Variants in CCDC7 observed in about 807,000 individuals in gnomAD.
CCDC7 encodes the protein coiled-coil domain containing 7, also known as coiled-coil domain-containing protein 7.
In CCDC7, 183 loss-of-function variants were observed where a neutral mutation model predicts 196.9. That is an observed-to-expected ratio of 0.93 (90% CI 0.82 to 1.05). The LOEUF is 1.05. Ranked by LOEUF, CCDC7 falls within the 50% of genes least tolerant of loss-of-function variation. The probability of loss-of-function intolerance (pLI) is 0.00; values close to 1 mark genes in which losing one functional copy is unlikely to be tolerated. For missense variants in CCDC7, 1,540 were observed against 1,482.2 expected (o/e 1.04, Z -0.64); for synonymous variants, 525 against 484.6 (o/e 1.08, Z -1.10).
chr10:32,799,419 T>C (rs1484174018), intron 29 of CCDC7, among the ~76,000 whole-genome samples: 1 of 152,164 alleles, frequency 6.6e-6, no homozygotes, highest in Admixed American at 6.5e-5. Context: ...CCTGGACTTA[T>C]TGCAGAGCCT....
intron 28 of CCDC7, among the ~76,000 whole-genome samples, chr10:32,756,184 C>T (rs890985632): frequency 6.6e-6 from 1 of 152,196 alleles, no homozygotes; most frequent in African/African-American, 2.4e-5. Flanking sequence ...AAACACTCTT[C>T]TGGATATTAT....
intron 18 of CCDC7, among the ~76,000 whole-genome samples, chr10:32,626,902 G>T (rs1340348329): frequency 6.6e-6 from 1 of 151,864 alleles, no homozygotes; most frequent in African/African-American, 2.4e-5. Context: ...GTGTTCCATT[G>T]GTTGGTGTGT....
chr10:32,667,019 A>G (rs1283197122), intron 21 of CCDC7, among the ~76,000 whole-genome samples: 1 of 152,114 alleles, frequency 6.6e-6, no homozygotes, highest in Admixed American at 6.5e-5. Flanking sequence ...CTATTTCTCC[A>G]CATCCTCTCC....
intron 31 of CCDC7, among the ~76,000 whole-genome samples, chr10:32,819,626 A>G (rs371790599): frequency 2.1e-4 from 32 of 152,300 alleles, no homozygotes; most frequent in Non-Finnish European, 4.3e-4. Flanking sequence ...CCATGATCAA[A>G]TGGGCTTCAT....
chr10:32,810,671 A>T (rs1177889218), intron 30 of CCDC7, among the ~76,000 whole-genome samples: 1 of 152,116 alleles, frequency 6.6e-6, no homozygotes, highest in Non-Finnish European at 1.5e-5. Flanking sequence ...AATGGCCCTA[A>T]CAGATAATTA....
intron 28 of CCDC7, among the ~76,000 whole-genome samples, chr10:32,738,297 G>A (rs1047384059): frequency 2.6e-5 from 4 of 151,822 alleles, no homozygotes; most frequent in African/African-American, 7.3e-5. Flanking sequence ...GATAATGCAG[G>A]TATTCTGATT....
intron 33 of CCDC7, among the ~76,000 whole-genome samples, chr10:32,837,467 A>T (rs1401487299): frequency 1.3e-5 from 2 of 152,192 alleles, no homozygotes; most frequent in Non-Finnish European, 2.9e-5. Context: ...ACACTTTTAC[A>T]CTGCTGGTGG....
At chr10:32,631,095 CAT>C (rs754353868) in intron 18 of CCDC7, among the ~76,000 whole-genome samples, 5 of 152,172 alleles carry the variant, frequency 3.3e-5, no homozygotes, top group African/African-American at 9.6e-5. Flanking sequence ...CTGAGGCAGA[CAT>C]GTGAGTGAAT....
chr10:32,567,881 A>G lies in CCDC7; in HGVS notation c.1409A>G (p.Glu470Gly). ...CAAAGGACAAGTGATAAAATCCAAG[A>G]ATATCCACAGGTGAGGAAATAACCA... The change falls in exon 15 of 42, where the codon GAA becomes GGA. Residue 470 changes from glutamate to glycine, a missense_variant. Glu to Gly is a moderately conservative substitution (Grantham distance 98, BLOSUM62 -2). Transcript: ENST00000639629. 5 of 1,612,954 alleles carry G rather than the reference A, an allele frequency of 3.1e-6. 1 individual carries two copies. The highest frequency in any genetic ancestry group is 1.1e-5 in the South Asian group (1 of 90,870).
chr10:32,484,710 G>A (rs189100153), intron 8 of CCDC7, among the ~76,000 whole-genome samples: 20 of 152,228 alleles, frequency 1.3e-4, no homozygotes, highest in South Asian at 4.1e-4. Flanking sequence ...AGCATGAAGC[G>A]CTGTTGAATT....
At chr10:32,822,699 A>T (rs2090462670) in intron 31 of CCDC7, among the ~76,000 whole-genome samples, 1 of 152,224 alleles carries the variant, frequency 6.6e-6, no homozygotes, top group South Asian at 2.1e-4. Flanking sequence ...GAAAAAGATT[A>T]TAAAGTTGAC....
rs188219619 is a variant in CCDC7, at chr10:32,818,895, T to C, written c.3181+4442T>C. 1.8e-3 allele frequency among the ~76,000 whole-genome samples: 271 copies of C among 152,004 alleles called. 2 individuals are homozygous for C. The highest frequency in any genetic ancestry group is 5.0e-3 in the African/African-American group (206 of 41,472). ...TAAAATTGACACCCTAACGTCACAA[T>C]TAAAAGAACTAGAAAAGCAAGAGCA... On this transcript the variant is annotated intron_variant, in intron 31 of 41. Transcript: ENST00000639629.
chr10:32,607,019 T>A (rs1246552019), intron 18 of CCDC7, among the ~76,000 whole-genome samples: 4 of 152,116 alleles, frequency 2.6e-5, no homozygotes, highest in African/African-American at 7.2e-5. Context: ...TGGGGCCTGG[T>A]GGGAGGTGAT....
At chr10:32,565,815 G>A (rs1001132160) in intron 14 of CCDC7, among the ~76,000 whole-genome samples, 195 bp downstream of exon 15, 1 of 152,040 alleles carries the variant, frequency 6.6e-6, no homozygotes, top group African/African-American at 2.4e-5. Flanking sequence ...ATCAAAAATA[G>A]CGAGATATAA....
At chr10:32,760,095 A>AG (rs1010920320) in intron 28 of CCDC7, among the ~76,000 whole-genome samples, 1 of 152,164 alleles carries the variant, frequency 6.6e-6, no homozygotes, top group Non-Finnish European at 1.5e-5. Context: ...TCAGCAAACA[A>AG]CAGGTGCTAG....
At chr10:32,859,065 G>C (rs547715238) in intron 41 of CCDC7, among the ~76,000 whole-genome samples, 71 of 152,224 alleles carry the variant, frequency 4.7e-4, no homozygotes, top group Admixed American at 4.3e-3. Flanking sequence ...GGACCAAGCA[G>C]ACCTAATAGA....
At chr10:32,501,022 A>G (rs1464695061) in intron 9 of CCDC7, among the ~76,000 whole-genome samples, 2 of 151,902 alleles carry the variant, frequency 1.3e-5, no homozygotes, top group Non-Finnish European at 2.9e-5. Flanking sequence ...GCTCGGCATC[A>G]GAGGGAGACC....
At chr10:32,576,732 A>G (rs922258772) in intron 16 of CCDC7, among the ~76,000 whole-genome samples, 1 of 151,704 alleles carries the variant, frequency 6.6e-6, no homozygotes, top group African/African-American at 2.4e-5. Context: ...TTTATTTTTT[A>G]TAGAGACTCA....
chr10:32,832,975 A>G (rs1035712035), intron 32 of CCDC7, among the ~76,000 whole-genome samples: 6 of 152,168 alleles, frequency 3.9e-5, no homozygotes, highest in East Asian at 3.8e-4. Flanking sequence ...GAAAATGACA[A>G]TAGATGGTAA....
Sources: allele counts gnomAD v4.1 joint callset (sites outside exome capture counted in the v4.1 genomes callset), GRCh38; gene constraint gnomAD v4.1.1; transcripts MANE v1.5; gene names NCBI Gene and HGNC (gene_info 2026-07-23, HGNC 2026-07-21).